SOS1: variants seen among roughly 807,000 people sequenced by gnomAD.
SOS1 encodes the protein SOS Ras/Rac guanine nucleotide exchange factor 1, also known as son of sevenless homolog 1.
SOS1 carries 25 observed loss-of-function variants against 157.6 expected under a neutral mutation model. The observed-to-expected ratio is 0.16, with a 90% CI of 0.12 to 0.22. SOS1 has a LOEUF of 0.22. Ranked by LOEUF, SOS1 falls within the 10% of genes least tolerant of loss-of-function variation. SOS1 has a pLI of 1.00. For missense variants in SOS1, 1,237 were observed against 1,599.1 expected, an observed-to-expected ratio of 0.77 and a Z score of 3.86; for synonymous variants, 528 against 534.0, an observed-to-expected ratio of 0.99 and a Z score of 0.16.
chr2:39,033,429 C>T (rs1487838649), intron 8 of SOS1, among the ~76,000 whole-genome samples: 1 of 152,012 alleles, frequency 6.6e-6, no homozygotes, highest in Admixed American at 6.6e-5. Context: ...TTTTAATTGC[C>T]TACACTTGAA....
rs760193823 is a variant in SOS1, at chr2:38,984,183, T to C, written c.*1641A>G. The C allele has an allele frequency of 8.7e-5, 13 of 148,844 alleles. No individual in the cohort carries two copies. Among genetic ancestry groups the C allele is most frequent in the Non-Finnish European group, 1.9e-4 (13 of 67,436 alleles). The allele number at this position is 148,844 out of a possible 1,614,324, so 9.2% of individuals were successfully genotyped here. ...GAATTGCTGAAATGTTGCTTCATTATTCAGAGGATACATGCAGATGCTGAT... is the reference window on the plus strand; with the variant it reads ...GAATTGCTGAAATGTTGCTTCATTACTCAGAGGATACATGCAGATGCTGAT... On this transcript the variant is annotated 3_prime_UTR_variant, in exon 23 of 23. Transcript: ENST00000402219.
intron 15 of SOS1, among the ~76,000 whole-genome samples, chr2:39,010,189 G>A (rs1010450801): frequency 3.9e-5 from 6 of 152,010 alleles, no homozygotes; most frequent in Non-Finnish European, 7.4e-5. Flanking sequence ...GGTGGTGTGC[G>A]TCTGTAGTTG....
chr2:39,099,999 G>C (rs1672904785), intron 1 of SOS1, among the ~76,000 whole-genome samples: 1 of 152,208 alleles, frequency 6.6e-6, no homozygotes, highest in Non-Finnish European at 1.5e-5. Flanking sequence ...TTACAGGCAT[G>C]AGCCACTGTG....
At chr2:39,063,951 A>G (rs1389365976) in intron 2 of SOS1, among the ~76,000 whole-genome samples, 3 of 151,494 alleles carry the variant, frequency 2.0e-5, no homozygotes, top group East Asian at 3.9e-4. Context: ...TCCCACCTCA[A>G]CCTCTCAGGT....
At chr2:39,109,936 C>T (rs757668015) in intron 1 of SOS1, among the ~76,000 whole-genome samples, 24 of 151,824 alleles carry the variant, frequency 1.6e-4, no homozygotes, top group African/African-American at 4.1e-4. Context: ...CACTACCTAA[C>T]GTCAAAACTT....
intron 1 of SOS1, among the ~76,000 whole-genome samples, chr2:39,092,836 T>C (rs1672640963): frequency 6.6e-6 from 1 of 152,220 alleles, no homozygotes; most frequent in African/African-American, 2.4e-5. Context: ...AGCTCTAAAT[T>C]AGTTGTAAAA....
At position 38,995,162 on chromosome 2, in the gene SOS1, T is replaced by C. The variant is rs1210824639; in HGVS notation, c.3307A>G (p.Ser1103Gly). 3 of 1,613,934 alleles carry C rather than the reference T, an allele frequency of 1.9e-6. No individual in the cohort carries two copies. The highest frequency in any genetic ancestry group is 2.2e-5 in the South Asian group (2 of 91,082). ...SGASSTTDVC[S>G]VFDSDHSSPF... Reference sequence around the variant, plus strand: ...CTCGAATGATCGGAATCAAATACACTGCAAACATCTGTGGTACTGGAAGCA... The same window carrying C: ...CTCGAATGATCGGAATCAAATACACCGCAAACATCTGTGGTACTGGAAGCA... Residue 1103 changes from serine (S) to glycine (G), a missense_variant, in exon 20 of 23, where the codon AGT becomes GGT. Coordinates refer to ENST00000402219, the MANE Select transcript of SOS1 (RefSeq NM_005633.4).
At position 38,987,542 on chromosome 2, in the gene SOS1, C is replaced by T. The variant is rs969391523; in HGVS notation, c.3441G>A (p.Val1147=). 5 of 1,605,612 alleles carry T rather than the reference C, an allele frequency of 3.1e-6. No homozygotes were observed. Among genetic ancestry groups the T allele is most frequent in the Admixed American group, 3.4e-5 (2 of 59,498 alleles). Reference sequence around the variant, plus strand: ...GTGGAGGAACAGGAGGAGGGACAGGCACTTCATCAGTGCCTTTGGTTAAAC... The same window carrying T: ...GTGGAGGAACAGGAGGAGGGACAGGTACTTCATCAGTGCCTTTGGTTAAAC... ...SISLTKGTDE[V]PVPPPVPPRR... Residue 1147 remains valine, a synonymous_variant, in exon 22 of 23, where the codon GTG becomes GTA. Transcript: ENST00000402219.
At position 38,985,455 on chromosome 2, in the gene SOS1, C is replaced by A; in HGVS notation, c.*369G>T. ...TTTTAAAAGTGCATAATTTGAATTACAAAAACTGTCATGTGGGCCTGCTGG... is the reference window on the plus strand; with the variant it reads ...TTTTAAAAGTGCATAATTTGAATTAAAAAAACTGTCATGTGGGCCTGCTGG... On this transcript the variant is annotated 3_prime_UTR_variant, in exon 23 of 23. Transcript: ENST00000402219. 2 of 178,158 alleles carry A rather than the reference C, an allele frequency of 1.1e-5. No homozygotes were observed. Among genetic ancestry groups the A allele is most frequent in the Non-Finnish European group, 2.4e-5 (2 of 82,602 alleles). The allele number at this position is 178,158 out of a possible 1,614,324, so 11.0% of individuals were successfully genotyped here. A position where few individuals can be genotyped will look rare whatever the true frequency, so the allele number is the denominator to read the frequency against.
intron 1 of SOS1, among the ~76,000 whole-genome samples, chr2:39,106,609 A>AC (rs1482350404): frequency 4.0e-5 from 6 of 149,686 alleles, no homozygotes; most frequent in African/African-American, 7.6e-5. Context: ...AAACAAAAAA[A>AC]AAAACAAAAC....
chr2:39,102,980 A>C (rs1673028839), intron 1 of SOS1, among the ~76,000 whole-genome samples: 1 of 152,126 alleles, frequency 6.6e-6, no homozygotes, highest in Admixed American at 6.6e-5. Flanking sequence ...TTAAAAAAAA[A>C]ATTTAAGTAG....
At chr2:39,003,794 C>CA (rs1337268660) in intron 17 of SOS1, among the ~76,000 whole-genome samples, 1 of 152,094 alleles carries the variant, frequency 6.6e-6, no homozygotes, top group Admixed American at 6.5e-5. Flanking sequence ...CCTGAAGAAC[C>CA]AACTTTATCA....
intron 1 of SOS1, among the ~76,000 whole-genome samples, chr2:39,085,182 A>T (rs188178714): frequency 3.3e-5 from 5 of 152,276 alleles, no homozygotes; most frequent in African/African-American, 1.2e-4. Context: ...AGAAGCTGGG[A>T]CTACAGGCAT....
At chr2:39,094,518 A>G (rs1244031204) in intron 1 of SOS1, among the ~76,000 whole-genome samples, 1 of 151,978 alleles carries the variant, frequency 6.6e-6, no homozygotes, top group East Asian at 1.9e-4. Flanking sequence ...TGGTGGCGAG[A>G]GCCTGTAATC....
At chr2:39,038,257 T>C (rs985571039) in intron 6 of SOS1, among the ~76,000 whole-genome samples, 1 of 152,060 alleles carries the variant, frequency 6.6e-6, no homozygotes, top group Non-Finnish European at 1.5e-5. Context: ...TTGGAAGAAG[T>C]TGATTCCAAC....
intron 6 of SOS1, among the ~76,000 whole-genome samples, chr2:39,049,474 ATTCCTTCACT>A (rs919003819): frequency 1.2e-4 from 19 of 152,184 alleles, no homozygotes; most frequent in Non-Finnish European, 2.5e-4. Flanking sequence ...AATGGATCAT[ATTCCTTCACT>A]TATCTCTTTC....
intron 8 of SOS1, among the ~76,000 whole-genome samples, chr2:39,032,348 T>G (rs1670190525): frequency 6.6e-6 from 1 of 152,210 alleles, no homozygotes; most frequent in Admixed American, 6.5e-5. Context: ...AGTCTTATAC[T>G]ATTAATAGCT....
intron 1 of SOS1, among the ~76,000 whole-genome samples, chr2:39,073,878 TCTGTTA>T (rs1000514509): frequency 2.2e-4 from 33 of 152,346 alleles, no homozygotes; most frequent in African/African-American, 7.9e-4. Context: ...TGAGCTCAGA[TCTGTTA>T]CTTTTATTTA....
At chr2:39,054,914 C>T (rs1671153751) in intron 4 of SOS1, 91 bp from the exon 5 acceptor site, 1 of 760,288 alleles carries the variant, frequency 1.3e-6, no homozygotes, top group Non-Finnish European at 2.3e-6. Flanking sequence ...GAATAAAGTT[C>T]TTAAATGATA....
Sources: allele counts gnomAD v4.1 joint callset (sites outside exome capture counted in the v4.1 genomes callset), GRCh38; gene constraint gnomAD v4.1.1; transcripts MANE v1.5; gene names NCBI Gene and HGNC (gene_info 2026-07-23, HGNC 2026-07-21).